Variants in DNER observed in about 807,000 individuals in gnomAD.
DNER encodes the protein delta/notch like EGF repeat containing.
Under a neutral mutation model 78.2 loss-of-function variants are expected in DNER, and 33 were observed. The observed-to-expected ratio is 0.42, with a 90% CI of 0.32 to 0.56. The LOEUF is 0.56. Among genes scored for constraint, DNER ranks in the 20% least tolerant of loss-of-function variants. The pLI, the probability that DNER is intolerant of heterozygous loss-of-function variation, is 0.11. For missense variants in DNER, 918 were observed against 975.3 expected (o/e 0.94, Z 0.78); for synonymous variants, 417 against 384.8 (o/e 1.08, Z -0.98).
chr2:229,573,218 G>A (rs767339302), intron 4 of DNER, among the ~76,000 whole-genome samples: 2 of 152,082 alleles, frequency 1.3e-5, no homozygotes, highest in Non-Finnish European at 2.9e-5. Flanking sequence ...TCACAATTAC[G>A]GCATTAAAAC....
intron 7 of DNER, among the ~76,000 whole-genome samples, chr2:229,457,095 T>C (rs1694591734): frequency 1.3e-5 from 2 of 152,018 alleles, no homozygotes; most frequent in Non-Finnish European, 2.9e-5. Context: ...CAAGGTTAAT[T>C]AAGATATTTT....
At chr2:229,555,659 G>A (rs1003065077) in intron 4 of DNER, among the ~76,000 whole-genome samples, 2 of 152,224 alleles carry the variant, frequency 1.3e-5, no homozygotes, top group African/African-American at 4.8e-5. Flanking sequence ...AGGGAGTCAA[G>A]ATACAGGTAC....
intron 1 of DNER, among the ~76,000 whole-genome samples, chr2:229,697,449 G>C (rs1426053050): frequency 6.6e-6 from 1 of 152,144 alleles, no homozygotes; most frequent in East Asian, 1.9e-4. Context: ...GCCACTAAAA[G>C]GTTCCCTTTA....
rs763523458 is a variant in DNER at position 229,586,044 on chromosome 2, A to C, written c.681-20T>G. 10 of 1,586,924 alleles carry C rather than the reference A, an allele frequency of 6.3e-6. No individual in the cohort carries two copies. Among genetic ancestry groups the C allele is most frequent in the South Asian group, 1.1e-5 (1 of 87,752 alleles). ...CGAATCCTGGAAACAGGAATGATGT[A>C]AACAGAAAGCTCCTTTCAGAAAAAT... On this transcript the variant is annotated intron_variant, in intron 3 of 12. Transcript: ENST00000341772.
rs1692612332 is a variant in DNER at position 229,376,783 on chromosome 2, C to T, written c.1856-9664G>A. ...AGAAGAATATGCAATAAATGTCTAA[C>T]AGTAGTTACCTTTAAGGAGTGAGGT... On this transcript the variant is annotated intron_variant, in intron 11 of 12. Coordinates refer to ENST00000341772, the MANE Select transcript of DNER (RefSeq NM_139072.4). Among the ~76,000 whole-genome samples, 3 of 152,072 alleles carry T rather than the reference C, an allele frequency of 2.0e-5. 1 individual carries two copies. In the South Asian group the frequency reaches 6.2e-4, roughly 31 times the overall value.
chr2:229,505,697 C>T (rs1481966478), intron 6 of DNER, among the ~76,000 whole-genome samples: 4 of 152,208 alleles, frequency 2.6e-5, no homozygotes, highest in Admixed American at 1.3e-4. Flanking sequence ...ATTTTTCTCA[C>T]ACATGGAAAA....
intron 4 of DNER, among the ~76,000 whole-genome samples, chr2:229,556,564 C>T (rs895699417): frequency 6.6e-6 from 1 of 152,130 alleles, no homozygotes; most frequent in East Asian, 1.9e-4. Flanking sequence ...TTAAAGGCAA[C>T]CTTATGCACA....
At chr2:229,447,564 T>C in intron 7 of DNER, 24 bp from the exon 8 acceptor site, 1 of 1,603,072 alleles carries the variant, frequency 6.2e-7, no homozygotes, top group South Asian at 1.1e-5. Flanking sequence ...CATGAGAGCT[T>C]AAAAAAACTA....
At chr2:229,537,801 C>T (rs576816485) in intron 5 of DNER, among the ~76,000 whole-genome samples, 1 of 151,940 alleles carries the variant, frequency 6.6e-6, no homozygotes, top group African/African-American at 2.4e-5. Context: ...TACATGTGCA[C>T]AATGTGCAGG....
intron 1 of DNER, among the ~76,000 whole-genome samples, chr2:229,713,867 C>G (rs886148956): frequency 6.6e-6 from 1 of 152,020 alleles, no homozygotes; most frequent in Non-Finnish European, 1.5e-5. Context: ...ACTCAGTGGC[C>G]AACCGGAGCG....
chr2:229,429,290 T>C (rs898708048), intron 8 of DNER, among the ~76,000 whole-genome samples: 1 of 152,314 alleles, frequency 6.6e-6, no homozygotes, highest in East Asian at 1.9e-4. Flanking sequence ...ATTGAGAGTG[T>C]TTCTAGATGG....
intron 5 of DNER, among the ~76,000 whole-genome samples, chr2:229,523,011 CCTT>C (rs1696131680): frequency 6.6e-6 from 1 of 152,332 alleles, no homozygotes; most frequent in East Asian, 1.9e-4. Context: ...ATTGTAAAGA[CCTT>C]CTTACAATTT....
intron 6 of DNER, among the ~76,000 whole-genome samples, chr2:229,501,770 T>C (rs1443597375): frequency 6.6e-6 from 1 of 152,208 alleles, no homozygotes; most frequent in Non-Finnish European, 1.5e-5. Context: ...TTTTTGTGTA[T>C]TTATCTGGTG....
At chr2:229,439,178 C>A (rs182907397) in intron 8 of DNER, among the ~76,000 whole-genome samples, 58 of 152,336 alleles carry the variant, frequency 3.8e-4, no homozygotes, top group African/African-American at 1.1e-3. Flanking sequence ...AGTCGCTTAA[C>A]CCTGCAAGAA....
intron 5 of DNER, among the ~76,000 whole-genome samples, chr2:229,519,091 A>G (rs1345348992): frequency 6.6e-6 from 1 of 152,016 alleles, no homozygotes; most frequent in Non-Finnish European, 1.5e-5. Context: ...TCTAATTTAT[A>G]TATTCCCTGA....
Position 229,592,000 on chromosome 2 carries a change from T to C in DNER, c.277-112A>G. ...ACTGCTGTAATGGAAATGCTGTTCCTGTGGAATACACTCCTTAACTACTTG... is the reference window on the plus strand; with the variant it reads ...ACTGCTGTAATGGAAATGCTGTTCCCGTGGAATACACTCCTTAACTACTTG... On this transcript the variant is annotated intron_variant, in intron 1 of 12. Coordinates refer to ENST00000341772, the MANE Select transcript of DNER (RefSeq NM_139072.4). This position sits in a 1 kb window ranked among gnomAD's most constrained non-coding sequence, Gnocchi z 4.6. 4 of 1,334,464 alleles carry C rather than the reference T, an allele frequency of 3.0e-6. No individual in the cohort carries two copies. The highest frequency in any genetic ancestry group is 4.0e-6 in the Non-Finnish European group (4 of 1,007,942). 82.7% of individuals were successfully genotyped at this position (1,334,464 alleles called of 1,614,324 possible).
chr2:229,708,531 G>A (rs1699862901), intron 1 of DNER, among the ~76,000 whole-genome samples: 1 of 152,210 alleles, frequency 6.6e-6, no homozygotes, highest in African/African-American at 2.4e-5. Context: ...GGATTCTGCA[G>A]TCACTGCCTC....
At chr2:229,424,689 GC>G (rs897894875) in intron 8 of DNER, among the ~76,000 whole-genome samples, 5 of 152,014 alleles carry the variant, frequency 3.3e-5, no homozygotes, top group African/African-American at 1.2e-4. Context: ...CTCTTTAAAG[GC>G]CCTATCTCCA....
chr2:229,620,439 A>G (rs1354307557), intron 1 of DNER, among the ~76,000 whole-genome samples: 1 of 152,202 alleles, frequency 6.6e-6, no homozygotes, highest in African/African-American at 2.4e-5. Context: ...CCAACAAATT[A>G]AATGTCAGCC....
Sources: allele counts gnomAD v4.1 joint callset (sites outside exome capture counted in the v4.1 genomes callset), GRCh38; gene constraint gnomAD v4.1.1; non-coding constraint Gnocchi (gnomAD v3.1); transcripts MANE v1.5; gene names NCBI Gene and HGNC (gene_info 2026-07-23, HGNC 2026-07-21).